ARID1B: variants seen among roughly 807,000 people sequenced by gnomAD.
The protein encoded by ARID1B is AT-rich interaction domain 1B.
In ARID1B, 30 loss-of-function variants were observed where a neutral mutation model predicts 212.3. The observed-to-expected ratio is 0.14, with a 90% confidence interval of 0.11 to 0.19. The LOEUF (loss-of-function observed/expected upper bound fraction) is 0.19. Ranked by LOEUF, ARID1B falls within the 10% of genes least tolerant of loss-of-function variation. The pLI, the probability that ARID1B is intolerant of heterozygous loss-of-function variation, is 1.00. For missense variants in ARID1B, 2,891 were observed against 3,204.0 expected (o/e 0.90, Z 2.36); for synonymous variants, 1,402 against 1,301.7 (o/e 1.08, Z -1.66).
intron 3 of ARID1B, among the ~76,000 whole-genome samples, chr6:156,909,119 T>TTC (rs1319592429): frequency 2.8e-5 from 4 of 141,942 alleles, no homozygotes; most frequent in African/African-American, 1.1e-4. Flanking sequence ...TCTTTTTTCT[T>TTC]TCTCTTTTTT....
chr6:156,955,657 T>G lies in ARID1B; in HGVS notation c.2247+20081T>G, dbSNP rs1431084960. 6.6e-6 allele frequency among the ~76,000 whole-genome samples: 1 copy of G among 152,182 alleles called. No individual in the cohort carries two copies. Among genetic ancestry groups the G allele is most frequent in the Non-Finnish European group, 1.5e-5 (1 of 68,038 alleles). ...TGCCACCTGAGTGATACGCCTCAGCTCCTTCCCTGTGTCCAGGAGGAACAG... is the reference window on the plus strand; with the variant it reads ...TGCCACCTGAGTGATACGCCTCAGCGCCTTCCCTGTGTCCAGGAGGAACAG... On this transcript the variant is annotated intron_variant, in intron 4 of 19. Coordinates refer to ENST00000636930, the MANE Select transcript of ARID1B (RefSeq NM_001374828.1). This position sits in a 1 kb window ranked among gnomAD's most constrained non-coding sequence, Gnocchi z 4.2.
chr6:157,035,891 A>G (rs960801619), intron 4 of ARID1B, among the ~76,000 whole-genome samples: 10 of 152,150 alleles, frequency 6.6e-5, no homozygotes, highest in African/African-American at 1.7e-4. Flanking sequence ...CTTCCTTTCT[A>G]TATTTTCTGT....
At chr6:157,058,338 C>T (rs948485291) in intron 4 of ARID1B, among the ~76,000 whole-genome samples, 1 of 150,652 alleles carries the variant, frequency 6.6e-6, no homozygotes, top group South Asian at 2.1e-4. Flanking sequence ...GATCTTGGCT[C>T]ACTGCAGCCT....
intron 9 of ARID1B, chr6:157,168,815 ACGATC>A (rs1280862944): frequency 1.3e-5 from 2 of 152,174 alleles, no homozygotes; most frequent in Non-Finnish European, 2.9e-5. Flanking sequence ...GTCCATCCTC[ACGATC>A]TTTTGTATGG....
intron 4 of ARID1B, among the ~76,000 whole-genome samples, chr6:156,988,646 G>A (rs1322405099): frequency 6.6e-6 from 1 of 152,204 alleles, no homozygotes; most frequent in African/African-American, 2.4e-5. Flanking sequence ...CTGAATGCAT[G>A]TGCAAGCTTA....
intron 11 of ARID1B, among the ~76,000 whole-genome samples, chr6:157,180,353 GA>G (rs1463080562): frequency 1.3e-5 from 2 of 150,002 alleles, no homozygotes; most frequent in Non-Finnish European, 3.0e-5. Context: ...AGCTTTGGTT[GA>G]CCCTTAGTTT....
intron 17 of ARID1B, among the ~76,000 whole-genome samples, chr6:157,199,863 C>T (rs1793981466): frequency 6.6e-6 from 1 of 152,020 alleles, no homozygotes; most frequent in South Asian, 2.1e-4. Context: ...GACGGGGTTT[C>T]ACCATGTTGG....
chr6:157,143,592 T>G (rs1400169177), intron 7 of ARID1B, among the ~76,000 whole-genome samples: 1 of 152,156 alleles, frequency 6.6e-6, no homozygotes, highest in Non-Finnish European at 1.5e-5. Context: ...TTTCAACCTC[T>G]TACTCATTAT....
At chr6:157,032,662 C>T (rs567610383) in intron 4 of ARID1B, among the ~76,000 whole-genome samples, 1 of 152,188 alleles carries the variant, frequency 6.6e-6, no homozygotes, top group South Asian at 2.1e-4. Context: ...TATTAATTGA[C>T]ATGGAACAAT....
intron 4 of ARID1B, among the ~76,000 whole-genome samples, chr6:157,058,671 G>A (rs533718052): frequency 4.6e-5 from 7 of 152,324 alleles, no homozygotes; most frequent in Non-Finnish European, 8.8e-5. Context: ...CATGTGATCC[G>A]CGGGAGGCAG....
intron 6 of ARID1B, among the ~76,000 whole-genome samples, chr6:157,129,691 G>A (rs2128575052): frequency 6.6e-6 from 1 of 152,126 alleles, no homozygotes; most frequent in East Asian, 1.9e-4. Context: ...TCTCCTTTTT[G>A]CAAATGTGAT....
At chr6:157,186,966 C>T (rs1412944592) in intron 13 of ARID1B, among the ~76,000 whole-genome samples, 1 of 152,216 alleles carries the variant, frequency 6.6e-6, no homozygotes, top group African/African-American at 2.4e-5. Flanking sequence ...CCTGGGGCTG[C>T]ACCCCACATA....
chr6:157,163,820 G>A (rs894312259), intron 8 of ARID1B, among the ~76,000 whole-genome samples: 2 of 152,266 alleles, frequency 1.3e-5, no homozygotes, highest in South Asian at 4.1e-4. Flanking sequence ...GCAGCAGGCT[G>A]CCAGGAGCCA....
intron 2 of ARID1B, among the ~76,000 whole-genome samples, chr6:156,876,430 A>G (rs1786554200): frequency 6.6e-6 from 1 of 152,072 alleles, no homozygotes; most frequent in African/African-American, 2.4e-5. Context: ...ACCCTGGACC[A>G]CGGCCCACTC....
At chr6:157,119,382 G>A (rs181695989) in intron 6 of ARID1B, among the ~76,000 whole-genome samples, 4 of 152,290 alleles carry the variant, frequency 2.6e-5, no homozygotes, top group Admixed American at 6.5e-5. Flanking sequence ...TGATCTGTGC[G>A]GTCAAGGGGC....
chr6:157,203,027 T>TA lies in ARID1B; in HGVS notation c.5264-834dup, dbSNP rs1794214219. 6.6e-6 allele frequency among the ~76,000 whole-genome samples: 1 copy of TA among 152,176 alleles called. No homozygotes were observed. The highest frequency in any genetic ancestry group is 1.5e-5 in the Non-Finnish European group (1 of 68,028). ...AAAAGTAATTTTGATTTTTTTATTG[T>TA]AAAAACAGTATGTAGCTATCTTAGA... On this transcript the variant is annotated intron_variant, in intron 18 of 19. Transcript: ENST00000636930. The surrounding 1 kb of genome is among the most constrained non-coding windows in gnomAD (Gnocchi z 4.4).
At chr6:157,145,195 C>A (rs1789636719) in intron 7 of ARID1B, among the ~76,000 whole-genome samples, 1 of 152,174 alleles carries the variant, frequency 6.6e-6, no homozygotes, top group African/African-American at 2.4e-5. Context: ...GTCTTACTTG[C>A]TGTTGCTAGT....
intron 4 of ARID1B, among the ~76,000 whole-genome samples, chr6:156,981,858 A>G (rs1236553588): frequency 4.6e-5 from 7 of 152,172 alleles, no homozygotes; most frequent in Non-Finnish European, 8.8e-5. Context: ...GTGCCCTCCA[A>G]CAACTGGGCA....
chr6:156,929,335 C>T (rs1201723003), intron 3 of ARID1B, among the ~76,000 whole-genome samples: 3 of 152,142 alleles, frequency 2.0e-5, no homozygotes, highest in Non-Finnish European at 4.4e-5. Context: ...CATCTACACA[C>T]AGAAAGTGGA....
Sources: gnomAD v4.1 joint callset for allele counts (sites outside exome capture counted in the v4.1 genomes callset) on GRCh38, gnomAD v4.1.1 for gene constraint, Gnocchi (gnomAD v3.1) non-coding constraint, MANE v1.5 for transcripts, NCBI Gene and HGNC (gene_info 2026-07-23, HGNC 2026-07-21) for gene names.